Variants in DMD observed in about 807,000 individuals in gnomAD.
DMD encodes mutant dystrophin.
In DMD, 63 loss-of-function variants were observed where a neutral mutation model predicts 330.1. The ratio of observed to expected loss-of-function variants is 0.19; its 90% confidence interval spans 0.16 to 0.24. The LOEUF (loss-of-function observed/expected upper bound fraction) is 0.24. DMD is among the 10% of genes least tolerant of loss of function. DMD has a pLI of 1.00. For synonymous variants in DMD, 1,223 were observed against 959.8 expected, an observed-to-expected ratio of 1.27 and a Z score of -5.07; for missense variants, 3,344 against 2,684.1, an observed-to-expected ratio of 1.25 and a Z score of -5.43.
At chrX:31,226,299 T>C (rs1250206582) in intron 63 of DMD, among the ~76,000 whole-genome samples, 1 of 112,447 alleles carries the variant, frequency 8.9e-6, no homozygotes, top group Non-Finnish European at 1.9e-5. Flanking sequence ...GTGTTGTCTT[T>C]TGTTTTTCTA....
intron 61 of DMD, among the ~76,000 whole-genome samples, chrX:31,346,349 A>G (rs977615268): frequency 9.0e-6 from 1 of 110,921 alleles, no homozygotes; most frequent in African/African-American, 3.3e-5. Context: ...AAAATCTGTA[A>G]CATTTCTAGG....
At chrX:31,688,033 A>G (rs2082808339) in intron 52 of DMD, among the ~76,000 whole-genome samples, 1 of 111,009 alleles carries the variant, frequency 9.0e-6, no homozygotes. Context: ...GACCCTTTTG[A>G]GGCTATTTTC....
At chrX:32,676,965 A>G (rs2062014221) in intron 9 of DMD, among the ~76,000 whole-genome samples, 1 of 111,913 alleles carries the variant, frequency 8.9e-6, no homozygotes, top group Non-Finnish European at 1.9e-5. Context: ...ATTGAAAAAT[A>G]TATGTAAGAG....
chrX:32,720,179 C>T (rs1402949112), intron 7 of DMD, among the ~76,000 whole-genome samples: 1 of 111,031 alleles, frequency 9.0e-6, no homozygotes, highest in African/African-American at 3.3e-5. Context: ...GAGTTTTTGT[C>T]TACCACAATT....
chrX:33,011,088 C>T (rs961223156), intron 2 of DMD, among the ~76,000 whole-genome samples: 2 of 111,688 alleles, frequency 1.8e-5, no homozygotes, highest in African/African-American at 6.5e-5. Flanking sequence ...TTTTAGGTCT[C>T]TATGTCTATT....
intron 37 of DMD, among the ~76,000 whole-genome samples, chrX:32,350,965 T>C (rs1048018922): frequency 4.5e-5 from 5 of 111,008 alleles, no homozygotes; most frequent in Non-Finnish European, 9.5e-5. Flanking sequence ...AGATTGAATC[T>C]GGGCTCTACC....
intron 44 of DMD, among the ~76,000 whole-genome samples, chrX:32,047,869 T>C (rs1281728864): frequency 9.1e-6 from 1 of 110,277 alleles, no homozygotes. Flanking sequence ...ATTCTGGTAG[T>C]TCATCAGTTT....
chrX:32,157,268 A>G (rs1603627333), intron 44 of DMD, among the ~76,000 whole-genome samples: 1 of 112,012 alleles, frequency 8.9e-6, no homozygotes. Flanking sequence ...TATGAACATC[A>G]ACTTCATGCA....
intron 2 of DMD, among the ~76,000 whole-genome samples, chrX:32,892,829 C>A (rs1241237856): frequency 1.8e-5 from 2 of 112,045 alleles, no homozygotes; most frequent in Non-Finnish European, 3.8e-5. Context: ...TCTCTGGCCA[C>A]AATGATCGTG....
intron 29 of DMD, among the ~76,000 whole-genome samples, chrX:32,417,176 G>C (rs2098169240): frequency 1.8e-5 from 2 of 111,654 alleles, no homozygotes; most frequent in Non-Finnish European, 3.8e-5. Flanking sequence ...CTCATTCTAA[G>C]AGATGGAAAT....
At chrX:33,096,165 G>A (rs5927138) in intron 1 of DMD, among the ~76,000 whole-genome samples, 47,859 of 107,057 alleles carry the variant, frequency 0.45, 8,956 homozygotes, top group Admixed American at 0.58. Flanking sequence ...TAGTAGAGAC[G>A]GGGTTTCACC....
intron 44 of DMD, among the ~76,000 whole-genome samples, chrX:32,058,829 A>C (rs758675219): frequency 3.6e-5 from 4 of 111,722 alleles, no homozygotes; most frequent in African/African-American, 1.3e-4. Flanking sequence ...TACAGTAGCC[A>C]AGAGGTGTGA....
intron 1 of DMD, among the ~76,000 whole-genome samples, chrX:33,339,056 G>A (rs530182986): frequency 3.6e-5 from 4 of 110,935 alleles, no homozygotes; most frequent in East Asian, 2.9e-4. Flanking sequence ...TCCTGAGGTT[G>A]GAGGCAAGCA....
chrX:32,734,649 G>A (rs376674432), intron 7 of DMD, among the ~76,000 whole-genome samples: 8 of 107,610 alleles, frequency 7.4e-5, no homozygotes, highest in Admixed American at 2.0e-4. Context: ...TATAAACAGA[G>A]CCAAAGACAA....
At chrX:32,360,652 C>G (rs182593848) in intron 37 of DMD, among the ~76,000 whole-genome samples, 112 of 108,218 alleles carry the variant, frequency 1.0e-3, no homozygotes, top group Non-Finnish European at 1.5e-3. Context: ...CCAGGTGTCA[C>G]GGCGCCCGCC....
chrX:32,996,089 G>T (rs995024730), intron 2 of DMD, among the ~76,000 whole-genome samples: 4 of 111,868 alleles, frequency 3.6e-5, no homozygotes, highest in Non-Finnish European at 7.5e-5. Context: ...TAAAATTACA[G>T]GCTAATGACT....
At chrX:32,402,022 A>T (rs2098088752) in intron 30 of DMD, among the ~76,000 whole-genome samples, 1 of 112,302 alleles carries the variant, frequency 8.9e-6, no homozygotes, top group South Asian at 3.6e-4. Context: ...ATTAAAGTGG[A>T]GAAAGCAGAT....
rs184494835 is a variant in DMD, at chrX:31,217,406, A to C, written c.9361+5641T>G. ...ACAATTGGGTTATTTGGCTTTCTGCAATACGGAAACATTGATAGGGAAGTG... is the reference window on the plus strand; with the variant it reads ...ACAATTGGGTTATTTGGCTTTCTGCCATACGGAAACATTGATAGGGAAGTG... On this transcript the variant is annotated intron_variant, in intron 64 of 78. Transcript: ENST00000357033. Among the ~76,000 whole-genome samples the C allele has an allele frequency of 8.0e-5, 9 of 111,982 alleles. No homozygotes were observed. The East Asian group carries it at 2.5e-3, about 31-fold the overall frequency.
At chrX:32,984,626 T>C (rs753181684) in intron 2 of DMD, among the ~76,000 whole-genome samples, 3 of 112,145 alleles carry the variant, frequency 2.7e-5, no homozygotes, top group South Asian at 3.7e-4. Context: ...AGGATAGTTA[T>C]GTGCTATAAT....
Sources: gnomAD v4.1 joint callset for allele counts (sites outside exome capture counted in the v4.1 genomes callset) on GRCh38, gnomAD v4.1.1 for gene constraint, MANE v1.5 for transcripts, NCBI Gene and HGNC (gene_info 2026-07-23, HGNC 2026-07-21) for gene names.